SYTL2: variants seen among roughly 807,000 people sequenced by gnomAD.
The protein encoded by SYTL2 is synaptotagmin like 2, also known as synaptotagmin-like protein 2.
Under a neutral mutation model 198.7 loss-of-function variants are expected in SYTL2, and 165 were observed. The ratio of observed to expected loss-of-function variants is 0.83; its 90% CI spans 0.73 to 0.94. SYTL2 has a LOEUF of 0.94. SYTL2 is among the 40% of genes least tolerant of loss of function. SYTL2 has a pLI of 0.00. For missense variants in SYTL2, 2,835 were observed against 2,582.8 expected, an observed-to-expected ratio of 1.10 and a Z score of -2.12; for synonymous variants, 966 against 917.7, an observed-to-expected ratio of 1.05 and a Z score of -0.95.
At chr11:85,776,156 C>T (rs181622323) in intron 1 of SYTL2, among the ~76,000 whole-genome samples, 2 of 152,312 alleles carry the variant, frequency 1.3e-5, no homozygotes, top group East Asian at 3.9e-4. Context: ...GCACAGCTGG[C>T]TCCCCTTCTG....
the SYTL2 span, chr11:85,853,781 A>G: frequency 6.6e-6 from 1 of 152,186 alleles, no homozygotes; most frequent in Admixed American, 6.5e-5. Flanking sequence ...CTCCAAAGCA[A>G]AAAGTCAGGA....
At position 85,774,724 on chromosome 11, in the gene SYTL2, C is replaced by T. The variant is rs188096105; in HGVS notation, c.-389-16610G>A. ...TCAGCAAATCTATTTCTCCTATACC[C>T]TCATGAACAACAAAAATCCTTGCAC... On this transcript the variant is annotated intron_variant, in intron 1 of 19. Coordinates refer to ENST00000359152, the MANE Select transcript of SYTL2 (RefSeq NM_206927.4). Among the ~76,000 whole-genome samples the T allele has an allele frequency of 2.0e-5, 3 of 152,306 alleles. No individual in the cohort carries two copies. The East Asian group carries it at 5.8e-4, about 29-fold the overall frequency.
At chr11:85,831,927 T>C in the SYTL2 span, among the ~76,000 whole-genome samples, 6 of 152,226 alleles carry the variant, frequency 3.9e-5, no homozygotes, top group African/African-American at 9.6e-5. Context: ...GAAACCATCA[T>C]GCTGGCTTAT....
At chr11:85,712,278 A>C (rs1250505054) in intron 12 of SYTL2, among the ~76,000 whole-genome samples, 1 of 152,152 alleles carries the variant, frequency 6.6e-6, no homozygotes, top group African/African-American at 2.4e-5. Context: ...ATATCTTTTA[A>C]ATGTCTCTGT....
intron 1 of SYTL2, among the ~76,000 whole-genome samples, chr11:85,803,104 G>C (rs1026178417): frequency 4.6e-5 from 7 of 152,164 alleles, no homozygotes; most frequent in African/African-American, 1.7e-4. Context: ...CCATCAGATG[G>C]CAAGGTGTTG....
upstream of SYTL2, among the ~76,000 whole-genome samples, chr11:85,814,227 C>T (rs1431649028): frequency 1.3e-5 from 2 of 152,204 alleles, no homozygotes; most frequent in African/African-American, 4.8e-5. Context: ...CCTCTCTGCA[C>T]CCCAGTTTTC....
intron 2 of SYTL2, among the ~76,000 whole-genome samples, chr11:85,752,254 T>C (rs2091557075): frequency 6.6e-6 from 1 of 152,208 alleles, no homozygotes; most frequent in Non-Finnish European, 1.5e-5. Context: ...GCAAGATGTT[T>C]AGACTGTGTG....
At chr11:85,792,102 G>C (rs1361418801) in intron 1 of SYTL2, among the ~76,000 whole-genome samples, 1 of 152,074 alleles carries the variant, frequency 6.6e-6, no homozygotes, top group Non-Finnish European at 1.5e-5. Flanking sequence ...CAAAAAAAAT[G>C]GTTAGATGAG....
intron 1 of SYTL2, 62 bp from the exon 2 acceptor site, chr11:85,758,176 A>G (rs952552700): frequency 6.4e-6 from 1 of 155,556 alleles, no homozygotes; most frequent in Non-Finnish European, 1.4e-5. Flanking sequence ...AGCACTACTC[A>G]TTACTACAAG....
At chr11:85,833,084 AAAGAAAGAAAGAAAG>A in the SYTL2 span, among the ~76,000 whole-genome samples, 4 of 58,062 alleles carry the variant, frequency 6.9e-5, no homozygotes, top group Non-Finnish European at 1.6e-4. Flanking sequence ...AGAAAGAAAG[AAAGAAAGAAAGAAAG>A]AAGGAAGGAA....
Position 85,757,859 on chromosome 11 carries a change from T to C in SYTL2, c.-134A>G. ...CTTGTTCAGTTCTGCATCAAAGTCT[T>C]ATTTTGGCTCAGCAAAAGTTTAGGG... is the stretch of plus-strand genomic sequence containing the variant. On this transcript the variant is annotated 5_prime_UTR_variant, in exon 2 of 20. In the 5' UTR this introduces an upstream ATG that the reference lacks. Coordinates refer to ENST00000359152, the MANE Select transcript of SYTL2 (RefSeq NM_206927.4). 2 of 1,368,260 alleles carry C rather than the reference T, an allele frequency of 1.5e-6. No homozygotes were observed. The highest frequency in any genetic ancestry group is 1.4e-5 in the South Asian group (1 of 72,628). The allele number at this position is 1,368,260 out of a possible 1,614,324, so 84.8% of individuals were successfully genotyped here. A position where few individuals can be genotyped will look rare whatever the true frequency, so the allele number is the denominator to read the frequency against.
rs1565823677 is a variant in SYTL2 at position 85,694,773 on chromosome 11, T to G, written c.*422A>C. The stretch of plus-strand genomic sequence containing the variant: ...ATTCCCTGCTCCACTTTGAGTATCT[T>G]TCTGCGACTTTTTCCCACAACCTAC... On this transcript the variant is annotated 3_prime_UTR_variant, in exon 20 of 20. Transcript: ENST00000359152. 1 of 153,238 alleles carries G rather than the reference T, an allele frequency of 6.5e-6. No individual in the cohort carries two copies. Among genetic ancestry groups the G allele is most frequent in the Non-Finnish European group, 1.5e-5 (1 of 68,612 alleles). 9.5% of individuals were successfully genotyped at this position (153,238 alleles called of 1,614,324 possible).
At chr11:85,813,555 G>A (rs1011030667), upstream of SYTL2, among the ~76,000 whole-genome samples, 4 of 152,210 alleles carry the variant, frequency 2.6e-5, no homozygotes, top group Non-Finnish European at 5.9e-5. Context: ...GGGAAGGCAA[G>A]AGGGTAGGGA....
chr11:85,719,390 C>A (rs555111333), intron 9 of SYTL2: 7 of 1,011,832 alleles, frequency 6.9e-6, no homozygotes, highest in Non-Finnish European at 8.5e-6. Context: ...TACCCGTCAG[C>A]TGATGGTGAT....
intron 16 of SYTL2, among the ~76,000 whole-genome samples, chr11:85,704,069 T>A (rs889885957): frequency 6.6e-6 from 1 of 152,042 alleles, no homozygotes; most frequent in African/African-American, 2.4e-5. Flanking sequence ...AATATTTATA[T>A]TAAGTGCAAA....
At chr11:85,789,352 A>ATATATATATATATATATATATATG (rs2092691221) in intron 1 of SYTL2, among the ~76,000 whole-genome samples, 1 of 36,992 alleles carries the variant, frequency 2.7e-5, no homozygotes, top group South Asian at 1.1e-3. Context: ...ATATATATAT[A>ATATATATATATATATATATATATG]TATATATATA....
At chr11:85,817,586 G>A in the SYTL2 span, among the ~76,000 whole-genome samples, 1 of 152,030 alleles carries the variant, frequency 6.6e-6, no homozygotes, top group African/African-American at 2.4e-5. Flanking sequence ...CTTTTGTAAA[G>A]GCCTGCTTGA....
chr11:85,753,817 A>G (rs1205777690), intron 2 of SYTL2, among the ~76,000 whole-genome samples: 3 of 151,602 alleles, frequency 2.0e-5, no homozygotes, highest in Admixed American at 1.3e-4. Flanking sequence ...AAACTAAATC[A>G]TCTCCAAAGT....
At chr11:85,730,074 C>T (rs779176005) in intron 7 of SYTL2, among the ~76,000 whole-genome samples, 1 of 152,300 alleles carries the variant, frequency 6.6e-6, no homozygotes, top group South Asian at 2.1e-4. Flanking sequence ...AGACCAATAA[C>T]AAGTTCAGAA....
Sources: gnomAD v4.1 joint callset for allele counts (sites outside exome capture counted in the v4.1 genomes callset) on GRCh38, gnomAD v4.1.1 for gene constraint, MANE v1.5 for transcripts, NCBI Gene and HGNC (gene_info 2026-07-23, HGNC 2026-07-21) for gene names.